CALN1: variants seen among roughly 807,000 people sequenced by gnomAD.
CALN1 encodes calcium-binding protein 8.
Under a neutral mutation model 30.6 loss-of-function variants are expected in CALN1, and 17 were observed. The ratio of observed to expected loss-of-function variants is 0.56; its 90% confidence interval spans 0.38 to 0.83. The LOEUF is 0.83. CALN1 is among the 40% of genes least tolerant of loss of function. The pLI, the probability that CALN1 is intolerant of heterozygous loss-of-function variation, is 0.00. For synonymous variants in CALN1, 156 were observed against 131.4 expected, an observed-to-expected ratio of 1.19 and a Z score of -1.28; for missense variants, 291 against 354.9, an observed-to-expected ratio of 0.82 and a Z score of 1.45.
chr7:71,928,126 GCTTT>G (rs1400319356), intron 5 of CALN1, among the ~76,000 whole-genome samples: 1 of 152,140 alleles, frequency 6.6e-6, no homozygotes, highest in Non-Finnish European at 1.5e-5. Flanking sequence ...ATGGAGGAGG[GCTTT>G]CTCTCACCTC....
intron 6 of CALN1, among the ~76,000 whole-genome samples, chr7:71,808,561 G>T (rs548836316): frequency 2.8e-4 from 43 of 152,082 alleles, no homozygotes; most frequent in African/African-American, 8.7e-4. Context: ...TAGCCCCTTT[G>T]TCAGGCATTT....
At chr7:72,084,386 A>ATTT (rs35476098) in intron 4 of CALN1, among the ~76,000 whole-genome samples, 2 of 142,598 alleles carry the variant, frequency 1.4e-5, no homozygotes, top group African/African-American at 2.6e-5. Flanking sequence ...ATGTAGTAAA[A>ATTT]TTTTTTTTTT....
At chr7:71,959,511 A>G (rs1308041606) in intron 5 of CALN1, among the ~76,000 whole-genome samples, 2 of 152,182 alleles carry the variant, frequency 1.3e-5, no homozygotes, top group African/African-American at 2.4e-5. Flanking sequence ...AGCATAGAGC[A>G]TAGGGGTATA....
intron 2 of CALN1, among the ~76,000 whole-genome samples, chr7:72,301,664 G>A (rs963952453): frequency 1.4e-5 from 2 of 147,876 alleles, no homozygotes; most frequent in Admixed American, 6.8e-5. Flanking sequence ...TAGATCTGAC[G>A]TTGATCTCCC....
At chr7:72,502,447 A>G in the CALN1 span, among the ~76,000 whole-genome samples, 1,288 of 150,526 alleles carry the variant, frequency 8.6e-3, 15 homozygotes, top group African/African-American at 0.028. Context: ...CAGAAACCTT[A>G]CCATGTCTCT....
chr7:72,384,724 C>T (rs139011093), intron 2 of CALN1, among the ~76,000 whole-genome samples: 165 of 151,960 alleles, frequency 1.1e-3, no homozygotes, highest in African/African-American at 3.9e-3. Context: ...GAAGAAAACA[C>T]AGGAGAAAGT....
intron 6 of CALN1, among the ~76,000 whole-genome samples, chr7:71,809,681 G>A (rs1029410387): frequency 7.2e-5 from 11 of 151,960 alleles, no homozygotes; most frequent in African/African-American, 2.4e-4. Context: ...CTGATTAGGA[G>A]ATTCAGTAGG....
At chr7:72,446,082 A>G (rs1323306248) in intron 1 of CALN1, among the ~76,000 whole-genome samples, 1 of 152,070 alleles carries the variant, frequency 6.6e-6, no homozygotes, top group East Asian at 1.9e-4. Context: ...ACCCCCAGAG[A>G]TGACTGTCAC....
chr7:72,101,566 A>C (rs570092223), intron 4 of CALN1, among the ~76,000 whole-genome samples: 24 of 152,276 alleles, frequency 1.6e-4, no homozygotes, highest in African/African-American at 5.8e-4. Context: ...TGGATAAAAC[A>C]TCTCTATCCT....
At chr7:72,324,989 T>G (rs1278988749) in intron 2 of CALN1, among the ~76,000 whole-genome samples, 1 of 152,124 alleles carries the variant, frequency 6.6e-6, no homozygotes, top group African/African-American at 2.4e-5. Context: ...TGTCGAGAAT[T>G]AGAGAATTTC....
At position 71,848,329 on chromosome 7, in the gene CALN1, C is replaced by T. The variant is rs1355663770; in HGVS notation, c.502-37837G>A. Among the ~76,000 whole-genome samples, 8 of 152,306 alleles carry T rather than the reference C, an allele frequency of 5.3e-5. No homozygotes were observed. The South Asian group carries it at 1.7e-3, about 32-fold the overall frequency. On this transcript the variant is annotated intron_variant, in intron 5 of 6. Transcript: ENST00000395275. ...TTTGATGCTCACACCCGTATTTATA[C>T]TGAATGGCCCCTTCTGTTCAAGAGC... is the stretch of plus-strand genomic sequence containing the variant.
At chr7:72,063,232 A>G (rs1298619418) in intron 4 of CALN1, among the ~76,000 whole-genome samples, 4 of 152,218 alleles carry the variant, frequency 2.6e-5, no homozygotes, top group African/African-American at 9.6e-5. Context: ...TCAAATGTCA[A>G]TTGTATGTTA....
intron 5 of CALN1, among the ~76,000 whole-genome samples, chr7:72,015,354 C>G (rs1168227862): frequency 6.6e-6 from 1 of 152,046 alleles, no homozygotes; most frequent in East Asian, 1.9e-4. Context: ...GGCCATAGGC[C>G]TGGAGTTTCT....
intron 3 of CALN1, among the ~76,000 whole-genome samples, chr7:72,163,902 T>A (rs569578825): frequency 1.8e-4 from 28 of 151,786 alleles, no homozygotes; most frequent in Admixed American, 4.6e-4. Flanking sequence ...TCCTGATGAA[T>A]CCATGATCAG....
rs13235977 is a variant in CALN1, at chr7:72,054,464, T to C, written c.389-30695A>G. Reference sequence around the variant, plus strand: ...ATATATATACATATATATACATATATATACATATATACATACATATATATA... The same window carrying C: ...ATATATATACATATATATACATATACATACATATATACATACATATATATA... On this transcript the variant is annotated intron_variant, in intron 4 of 6. Transcript: ENST00000395275. Among the ~76,000 whole-genome samples, 223 of 126,188 alleles carry C rather than the reference T, an allele frequency of 1.8e-3. 10 individuals carry two copies. Among genetic ancestry groups the C allele is most frequent in the African/African-American group, 5.6e-3 (196 of 35,240 alleles). 82.8% of individuals were successfully genotyped at this position (126,188 alleles called of 152,430 possible).
chr7:72,270,995 G>A (rs562356428), intron 3 of CALN1, among the ~76,000 whole-genome samples: 37 of 152,284 alleles, frequency 2.4e-4, no homozygotes, highest in African/African-American at 7.0e-4. Flanking sequence ...TACAGAATAC[G>A]AAGAGAGGTC....
In CALN1 at chr7:72,000,575, T is replaced by C. The variant is rs1434776298; in HGVS notation, c.501+23082A>G. Among the ~76,000 whole-genome samples, 7 of 152,166 alleles carry C rather than the reference T, an allele frequency of 4.6e-5. No individual in the cohort carries two copies. The East Asian group carries it at 7.7e-4, about 17-fold the overall frequency. ...AAATCTCCAAGCCTAAATAGTTACA[T>C]TGGAAAATTCTACCATTTAAATATG... On this transcript the variant is annotated intron_variant, in intron 5 of 6. Transcript: ENST00000395275.
At chr7:71,869,250 G>A (rs985655943) in intron 5 of CALN1, among the ~76,000 whole-genome samples, 3 of 149,412 alleles carry the variant, frequency 2.0e-5, no homozygotes, top group Non-Finnish European at 3.0e-5. Flanking sequence ...CACTCTTGTT[G>A]CCCAAGCTGG....
intron 3 of CALN1, among the ~76,000 whole-genome samples, chr7:72,261,171 G>A (rs143347316): frequency 2.8e-4 from 43 of 152,234 alleles, no homozygotes; most frequent in African/African-American, 1.0e-3. Flanking sequence ...CGCCAGGTGT[G>A]GTGGCACGCA....
Sources: allele counts gnomAD v4.1 joint callset (sites outside exome capture counted in the v4.1 genomes callset), GRCh38; gene constraint gnomAD v4.1.1; transcripts MANE v1.5; gene names NCBI Gene and HGNC (gene_info 2026-07-23, HGNC 2026-07-21).